Variants in ST6GALNAC5 observed in about 807,000 individuals in gnomAD.
The protein encoded by ST6GALNAC5 is ST6 N-acetylgalactosaminide alpha-2,6-sialyltransferase 5, also known as alpha-N-acetylgalactosaminide alpha-2,6-sialyltransferase 5.
ST6GALNAC5 carries 27 observed loss-of-function variants against 33.6 expected under a neutral mutation model. The ratio of observed to expected loss-of-function variants is 0.80; its 90% CI spans 0.59 to 1.11. The LOEUF is 1.11. Among genes scored for constraint, ST6GALNAC5 ranks in the 50% least tolerant of loss-of-function variants. The pLI is 0.00. For synonymous variants in ST6GALNAC5, 194 were observed against 171.2 expected (o/e 1.13, Z -1.04); for missense variants, 428 against 454.0 (o/e 0.94, Z 0.52).
At chr1:76,905,059 A>G (rs953210413) in intron 2 of ST6GALNAC5, among the ~76,000 whole-genome samples, 2 of 152,136 alleles carry the variant, frequency 1.3e-5, no homozygotes, top group Non-Finnish European at 2.9e-5. Flanking sequence ...AAATTCTTTC[A>G]GTTGTGCACT....
chr1:76,923,021 C>T (rs2100299487), intron 2 of ST6GALNAC5, among the ~76,000 whole-genome samples: 1 of 151,460 alleles, frequency 6.6e-6, no homozygotes, highest in Non-Finnish European at 1.5e-5. Flanking sequence ...AATGTTGGTG[C>T]AATTGAACAT....
chr1:77,064,414 GAT>G lies in ST6GALNAC5; in HGVS notation c.*1210_*1211del, dbSNP rs1219705653. Reference sequence around the variant, plus strand: ...CCAGCCTCTCAACACAAAAACACAGGATACACACACACACACACACACAAAAG... The same window carrying G: ...CCAGCCTCTCAACACAAAAACACAGGACACACACACACACACACACAAAAG... On this transcript the variant is annotated 3_prime_UTR_variant, in exon 5 of 5. Transcript: ENST00000477717. The G allele has an allele frequency of 1.0e-5, 1 of 96,270 alleles. No homozygotes were observed. The highest frequency in any genetic ancestry group is 1.8e-5 in the Non-Finnish European group (1 of 54,894). 6.0% of individuals were successfully genotyped at this position (96,270 alleles called of 1,614,324 possible). A position where few individuals can be genotyped will look rare whatever the true frequency, so the allele number is the denominator to read the frequency against.
chr1:77,057,863 T>G (rs996651522), intron 4 of ST6GALNAC5, among the ~76,000 whole-genome samples: 2 of 152,220 alleles, frequency 1.3e-5, no homozygotes, highest in African/African-American at 4.8e-5. Flanking sequence ...GAGGTTTTTT[T>G]CAGTTGTAAA....
chr1:76,986,793 A>G lies in ST6GALNAC5; in HGVS notation c.262-57411A>G, dbSNP rs552151027. ...TCCATCAGTGATAGACTAGATTAAG[A>G]AAATGTGGCACATATACACCATGGA... On this transcript the variant is annotated intron_variant, in intron 2 of 4. Transcript: ENST00000477717. 2.6e-5 allele frequency among the ~76,000 whole-genome samples: 4 copies of G among 152,356 alleles called. No homozygotes were observed. In the East Asian group the frequency reaches 7.7e-4, roughly 29 times the overall value.
chr1:77,007,656 A>C (rs1217066389), intron 2 of ST6GALNAC5, among the ~76,000 whole-genome samples: 3 of 152,236 alleles, frequency 2.0e-5, no homozygotes, highest in Admixed American at 2.0e-4. Flanking sequence ...TATTTTGGTT[A>C]ATTAGAATTT....
rs1046102346 is a variant in ST6GALNAC5 at position 77,066,490 on chromosome 1, A to G, written c.*3284A>G. 6.6e-6 allele frequency among the ~76,000 whole-genome samples: 1 copy of G among 152,246 alleles called. No individual in the cohort carries two copies. Among genetic ancestry groups the G allele is most frequent in the African/African-American group, 2.4e-5 (1 of 41,464 alleles). On this transcript the variant is annotated 3_prime_UTR_variant, in exon 5 of 5. Transcript: ENST00000477717. ...CCGACTTAGAAGATGATAAATGCTA[A>G]GTAAAAGTAGAAGGAGAAAGTTGAA...
intron 2 of ST6GALNAC5, among the ~76,000 whole-genome samples, chr1:77,008,197 G>T (rs935571854): frequency 6.6e-6 from 1 of 152,160 alleles, no homozygotes; most frequent in African/African-American, 2.4e-5. Flanking sequence ...GGGTTAGTTT[G>T]CCAGCTAAAA....
At chr1:76,920,659 C>T (rs899039689) in intron 2 of ST6GALNAC5, among the ~76,000 whole-genome samples, 1 of 152,176 alleles carries the variant, frequency 6.6e-6, no homozygotes, top group Non-Finnish European at 1.5e-5. Flanking sequence ...TGTGTACCTG[C>T]ATTACCTTCT....
chr1:76,879,442 C>T (rs1183538108), intron 2 of ST6GALNAC5, among the ~76,000 whole-genome samples: 1 of 152,186 alleles, frequency 6.6e-6, no homozygotes. Flanking sequence ...CATTCTTATG[C>T]CTGTTCTCCA....
At chr1:76,922,831 G>A (rs1647047807) in intron 2 of ST6GALNAC5, among the ~76,000 whole-genome samples, 1 of 151,914 alleles carries the variant, frequency 6.6e-6, no homozygotes, top group Admixed American at 6.6e-5. Flanking sequence ...AGCTACTCGG[G>A]AGGCTGAAGA....
At chr1:76,921,649 T>G (rs1766286) in intron 2 of ST6GALNAC5, among the ~76,000 whole-genome samples, 64,415 of 151,964 alleles carry the variant, frequency 0.42, 13,949 homozygotes, top group Non-Finnish European at 0.46. Context: ...GCCAGAATAG[T>G]TCTATAACCA....
intron 2 of ST6GALNAC5, among the ~76,000 whole-genome samples, chr1:76,992,071 A>G (rs1316918493): frequency 6.6e-6 from 1 of 151,916 alleles, no homozygotes; most frequent in African/African-American, 2.4e-5. Flanking sequence ...AGCTTCCCAA[A>G]CCCATGACCC....
At chr1:76,945,288 A>T (rs760026391) in intron 2 of ST6GALNAC5, among the ~76,000 whole-genome samples, 1 of 152,134 alleles carries the variant, frequency 6.6e-6, no homozygotes, top group Non-Finnish European at 1.5e-5. Flanking sequence ...AAGGAAGATT[A>T]AAAAGGCTGT....
chr1:76,885,015 T>TACCC (rs1478093919), intron 2 of ST6GALNAC5, among the ~76,000 whole-genome samples: 3 of 152,162 alleles, frequency 2.0e-5, no homozygotes, highest in Non-Finnish European at 2.9e-5. Context: ...CCATTCTTAG[T>TACCC]ACCCCCACAG....
At chr1:77,049,302 G>A (rs1269387339) in intron 3 of ST6GALNAC5, among the ~76,000 whole-genome samples, 1 of 152,122 alleles carries the variant, frequency 6.6e-6, no homozygotes, top group Non-Finnish European at 1.5e-5. Context: ...CTATGGCTGG[G>A]CAAAGTCAGA....
At chr1:76,959,557 G>A (rs971256699) in intron 2 of ST6GALNAC5, among the ~76,000 whole-genome samples, 1 of 152,208 alleles carries the variant, frequency 6.6e-6, no homozygotes, top group African/African-American at 2.4e-5. Flanking sequence ...TGCAAATGTG[G>A]TGGATGCTTG....
At chr1:76,884,972 A>G (rs889268054) in intron 2 of ST6GALNAC5, among the ~76,000 whole-genome samples, 1 of 152,172 alleles carries the variant, frequency 6.6e-6, no homozygotes, top group Non-Finnish European at 1.5e-5. Context: ...GGAGTTATAC[A>G]TCGCAATACT....
At chr1:77,045,161 C>T (rs1018185981) in intron 3 of ST6GALNAC5, among the ~76,000 whole-genome samples, 7 of 152,036 alleles carry the variant, frequency 4.6e-5, no homozygotes, top group African/African-American at 1.5e-4. Flanking sequence ...TGCCATGGGC[C>T]CTAGCCCATG....
At position 77,063,508 on chromosome 1, in the gene ST6GALNAC5, G is replaced by C. The variant is rs1652668837; in HGVS notation, c.*302G>C. 2.7e-6 allele frequency: 1 copy of C among 363,860 alleles called. No individual in the cohort carries two copies. Among genetic ancestry groups the C allele is most frequent in the Non-Finnish European group, 5.1e-6 (1 of 195,814 alleles). The allele number at this position is 363,860 out of a possible 1,614,324, so 22.5% of individuals were successfully genotyped here. A position where few individuals can be genotyped will look rare whatever the true frequency, so the allele number is the denominator to read the frequency against. On this transcript the variant is annotated 3_prime_UTR_variant, in exon 5 of 5. Transcript: ENST00000477717. ...GTTTGGATCTCTTAGTATTGCCTTT[G>C]AAACTGCAACATAAGCAACTCAACA... is the stretch of plus-strand genomic sequence containing the variant.
Sources: allele counts gnomAD v4.1 joint callset (sites outside exome capture counted in the v4.1 genomes callset), GRCh38; gene constraint gnomAD v4.1.1; transcripts MANE v1.5; gene names NCBI Gene and HGNC (gene_info 2026-07-23, HGNC 2026-07-21).